DAB1: variants seen among roughly 807,000 people sequenced by gnomAD.
DAB1 encodes disabled homolog 1.
In DAB1, 15 loss-of-function variants were observed where a neutral mutation model predicts 64.6. That is an observed-to-expected ratio of 0.23 (90% CI 0.16 to 0.36). The LOEUF (loss-of-function observed/expected upper bound fraction) is 0.36. DAB1 is among the 10% of genes least tolerant of loss of function. The pLI, the probability that DAB1 is intolerant of heterozygous loss-of-function variation, is 1.00. For missense variants in DAB1, 596 were observed against 706.7 expected (o/e 0.84, Z 1.78); for synonymous variants, 235 against 251.9 (o/e 0.93, Z 0.64).
At chr1:57,465,951 A>G (rs1686941567) in intron 7 of DAB1, among the ~76,000 whole-genome samples, 1 of 152,208 alleles carries the variant, frequency 6.6e-6, no homozygotes, top group South Asian at 2.1e-4. Flanking sequence ...ATGCCAGCTG[A>G]CATCATGATG....
intron 9 of DAB1, among the ~76,000 whole-genome samples, chr1:57,039,190 G>A (rs1647388886): frequency 6.6e-6 from 1 of 152,190 alleles, no homozygotes; most frequent in Non-Finnish European, 1.5e-5. Context: ...TATCATTTAA[G>A]CCTCAGTTTC....
chr1:57,861,575 C>A (rs1319743046), intron 1 of DAB1, among the ~76,000 whole-genome samples: 2 of 152,092 alleles, frequency 1.3e-5, no homozygotes, highest in African/African-American at 4.8e-5. Context: ...TCAAGGCCCT[C>A]CTTTTCCATG....
At chr1:58,208,479 A>T (rs1243401912) in intron 4 of DAB1, among the ~76,000 whole-genome samples, 1 of 152,076 alleles carries the variant, frequency 6.6e-6, no homozygotes, top group Admixed American at 6.6e-5. Context: ...AAAGTCCATT[A>T]TATCATTTTT....
rs1221771906 is a variant in DAB1, at chr1:57,794,745, C to T, written n.551+89254G>A. Among the ~76,000 whole-genome samples the T allele has an allele frequency of 2.0e-5, 3 of 152,344 alleles. No individual in the cohort carries two copies. The East Asian group carries it at 5.8e-4, about 29-fold the overall frequency. On this transcript the variant is annotated intron_variant and non_coding_transcript_variant, in intron 6 of 20. Transcript: ENST00000485760. ...TATTTATTTATTACTATATCCCTAG[C>T]TCCTGGCACAATGTCTGGCTCCTTG...
chr1:57,607,252 T>G (rs1377898442), intron 7 of DAB1, among the ~76,000 whole-genome samples: 1 of 152,218 alleles, frequency 6.6e-6, no homozygotes, highest in African/African-American at 2.4e-5. Context: ...GTGCATATAC[T>G]GGGTCATAGT....
chr1:57,023,097 T>C (rs534541678), intron 11 of DAB1, among the ~76,000 whole-genome samples: 1 of 152,366 alleles, frequency 6.6e-6, no homozygotes, highest in African/African-American at 2.4e-5. Flanking sequence ...TCTGGGGACC[T>C]TCCCTTTCCT....
chr1:58,141,508 C>G (rs1557668756), intron 5 of DAB1, among the ~76,000 whole-genome samples: 1 of 152,114 alleles, frequency 6.6e-6, no homozygotes, highest in South Asian at 2.1e-4. Flanking sequence ...ACAGCCAAAC[C>G]ACATCAGAGG....
chr1:57,842,375 G>C (rs1231936413), intron 1 of DAB1, among the ~76,000 whole-genome samples: 1 of 152,056 alleles, frequency 6.6e-6, no homozygotes, highest in Non-Finnish European at 1.5e-5. Flanking sequence ...CCTCCAAACT[G>C]TTGCAACCTC....
intron 1 of DAB1, among the ~76,000 whole-genome samples, chr1:57,299,973 C>T (rs533129555): frequency 6.6e-6 from 1 of 152,248 alleles, no homozygotes; most frequent in Admixed American, 6.5e-5. Flanking sequence ...CTTCTCCCAC[C>T]TCCCCTTCTC....
intron 6 of DAB1, among the ~76,000 whole-genome samples, chr1:57,732,948 G>T (rs571760222): frequency 6.6e-6 from 1 of 152,124 alleles, no homozygotes; most frequent in Non-Finnish European, 1.5e-5. Flanking sequence ...TAAGCAAAGG[G>T]CCCTGATTTT....
chr1:58,527,340 G>A, intron 1 of DAB1: 1 of 871,100 alleles, frequency 1.1e-6, no homozygotes, highest in African/African-American at 1.6e-5. Context: ...CATATACTAA[G>A]AAGAAATGAC....
At chr1:58,471,269 C>A (rs1254144118) in intron 3 of DAB1, among the ~76,000 whole-genome samples, 1 of 152,102 alleles carries the variant, frequency 6.6e-6, no homozygotes, top group Non-Finnish European at 1.5e-5. Context: ...GGATAAAAGA[C>A]ATAGGTAAAA....
chr1:57,900,721 G>T (rs1644460253), intron 5 of DAB1, among the ~76,000 whole-genome samples: 1 of 152,128 alleles, frequency 6.6e-6, no homozygotes. Flanking sequence ...GTTTATGATG[G>T]GTCCCCTTGA....
chr1:57,920,853 T>C (rs1315387839), intron 5 of DAB1, among the ~76,000 whole-genome samples: 1 of 152,196 alleles, frequency 6.6e-6, no homozygotes, highest in African/African-American at 2.4e-5. Context: ...GACTATAAAT[T>C]GGCACAACCC....
At chr1:57,472,664 C>A (rs1347295543) in intron 7 of DAB1, among the ~76,000 whole-genome samples, 1 of 152,124 alleles carries the variant, frequency 6.6e-6, no homozygotes, top group African/African-American at 2.4e-5. Flanking sequence ...ACGCGCACCC[C>A]CTTAGAGTTG....
chr1:58,348,810 C>A (rs150813376), intron 3 of DAB1, among the ~76,000 whole-genome samples: 1 of 152,158 alleles, frequency 6.6e-6, no homozygotes, highest in South Asian at 2.1e-4. Context: ...CTTTGGCATG[C>A]CACTCATGAA....
chr1:57,851,347 G>A (rs1023029955), intron 1 of DAB1, among the ~76,000 whole-genome samples: 1 of 152,192 alleles, frequency 6.6e-6, no homozygotes, highest in African/African-American at 2.4e-5. Flanking sequence ...CTTTGACGTT[G>A]ATTTCTGCCT....
In DAB1 at chr1:57,340,952, G is replaced by A. The variant is rs1558198322; in HGVS notation, c.-136-49786C>T. ...AGGCACAATGATCCCAGGGAAGGAAGGCTCAAGAGAGCTAATTTATTTGCC... is the reference window on the plus strand; with the variant it reads ...AGGCACAATGATCCCAGGGAAGGAAAGCTCAAGAGAGCTAATTTATTTGCC... On this transcript the variant is annotated intron_variant, in intron 1 of 14. Transcript: ENST00000371236. 1.3e-5 allele frequency among the ~76,000 whole-genome samples: 2 copies of A among 152,300 alleles called. 1 individual carries two copies. The highest frequency in any genetic ancestry group is 3.9e-4 in the East Asian group (2 of 5,184).
At chr1:58,446,133 C>T (rs1255453913) in intron 3 of DAB1, among the ~76,000 whole-genome samples, 2 of 152,184 alleles carry the variant, frequency 1.3e-5, no homozygotes, top group East Asian at 3.8e-4. Context: ...TTACGCTCCT[C>T]ATTGTAGACT....
Sources: gnomAD v4.1 joint callset for allele counts (sites outside exome capture counted in the v4.1 genomes callset) on GRCh38, gnomAD v4.1.1 for gene constraint, MANE v1.5 for transcripts, NCBI Gene and HGNC (gene_info 2026-07-23, HGNC 2026-07-21) for gene names.